The following SETD2 variants were observed in gnomAD, a reference collection of about 807,000 sequenced individuals.
SETD2 encodes histone-lysine N-methyltransferase SETD2.
In SETD2, 31 loss-of-function variants were observed where a neutral mutation model predicts 242.1. The ratio of observed to expected loss-of-function variants is 0.13; its 90% CI spans 0.10 to 0.17. SETD2 has a LOEUF of 0.17. Among genes scored for constraint, SETD2 ranks in the 10% least tolerant of loss-of-function variants. SETD2 has a pLI of 1.00. For missense variants in SETD2, 2,481 were observed against 3,046.3 expected (o/e 0.81, Z 4.37); for synonymous variants, 1,006 against 1,066.5 (o/e 0.94, Z 1.11).
chr3:47,117,349 A>G (rs551453337), intron 3 of SETD2, among the ~76,000 whole-genome samples: 2 of 152,074 alleles, frequency 1.3e-5, no homozygotes, highest in East Asian at 3.9e-4. Context: ...GATGAGTTCA[A>G]GACTACTCAT....
intron 17 of SETD2, among the ~76,000 whole-genome samples, chr3:47,041,071 T>G (rs2039256350): frequency 6.6e-6 from 1 of 152,162 alleles, no homozygotes; most frequent in African/African-American, 2.4e-5. Flanking sequence ...TATAAAATAG[T>G]GAAGACCTAT....
chr3:47,024,288 A>T (rs6442053), intron 18 of SETD2, among the ~76,000 whole-genome samples: 5 of 151,900 alleles, frequency 3.3e-5, no homozygotes, highest in Admixed American at 6.5e-5. Context: ...CTGGCTAACG[A>T]GGTGAAACAC....
intron 7 of SETD2, among the ~76,000 whole-genome samples, chr3:47,102,878 A>G (rs116296651): frequency 4.0e-4 from 61 of 152,324 alleles, no homozygotes; most frequent in African/African-American, 1.5e-3. Flanking sequence ...GACCTAATAA[A>G]GAATCCAAAT....
Position 47,123,066 on chromosome 3 carries a change from T to C in SETD2, c.1570A>G (p.Asn524Asp). ...GAACAACATCTTTTAATTGCTTCAT[T>C]TTCTGAAGTCCTTTTAGATTCTCTT... ...LERESKRTSE[N>D]EAIKRCCSPP... Residue 524 changes from asparagine (N) to aspartate (D), a missense_variant, in exon 3 of 21, where the codon AAT becomes GAT. This residue lies in a region of SETD2 where 1,300 missense variants were observed against 1,259.2 expected (regional missense o/e 1.03). Coordinates refer to ENST00000409792, the MANE Select transcript of SETD2 (RefSeq NM_014159.7). 9 of 1,613,854 alleles carry C rather than the reference T, an allele frequency of 5.6e-6. No individual in the cohort carries two copies. The highest frequency in any genetic ancestry group is 7.6e-6 in the Non-Finnish European group (9 of 1,179,916).
At position 47,084,020 on chromosome 3, in the gene SETD2, C is replaced by G. The variant is rs1436601562; in HGVS notation, c.5760G>C (p.Glu1920Asp). The G allele has an allele frequency of 6.2e-7, 1 of 1,614,140 alleles. No homozygotes were observed. Among genetic ancestry groups the G allele is most frequent in the South Asian group, 1.1e-5 (1 of 91,078 alleles). The change falls in exon 12 of 21, where the codon GAG becomes GAC. Residue 1920 changes from glutamate (E) to aspartate (D), a missense_variant. Coordinates refer to ENST00000409792, the MANE Select transcript of SETD2 (RefSeq NM_014159.7). ...GTAGCTGTTGTGACTGCAATTCTTC[C>G]TCTTCCTCTACAGGGACATTTTCTA... ...DQLENVPVEE[E>D]EELQSQQLLP...
At chr3:47,030,333 C>A (rs1424014690) in intron 18 of SETD2, among the ~76,000 whole-genome samples, 1 of 151,936 alleles carries the variant, frequency 6.6e-6, no homozygotes, top group Non-Finnish European at 1.5e-5. Context: ...TTCAATACAG[C>A]AGAAGGTAAA....
intron 12 of SETD2, among the ~76,000 whole-genome samples, chr3:47,082,131 A>G (rs2041341379): frequency 6.6e-6 from 1 of 152,186 alleles, no homozygotes; most frequent in Non-Finnish European, 1.5e-5. Flanking sequence ...TATCCTAGAG[A>G]GTAATTCATA....
intron 15 of SETD2, among the ~76,000 whole-genome samples, chr3:47,054,139 C>A (rs940797651): frequency 1.5e-4 from 23 of 152,108 alleles, no homozygotes; most frequent in African/African-American, 5.1e-4. Flanking sequence ...ATAGTTGAAC[C>A]ACCACAGCCC....
intron 18 of SETD2, among the ~76,000 whole-genome samples, chr3:47,026,385 A>T (rs1392071157): frequency 6.6e-6 from 1 of 152,228 alleles, no homozygotes; most frequent in Non-Finnish European, 1.5e-5. Context: ...CCATTGTGGA[A>T]GACAGTGCGG....
Position 47,056,887 on chromosome 3 carries a change from T to C in SETD2, c.6897A>G (p.Gly2299=), listed in dbSNP as rs1448619183. The change falls in exon 15 of 21, where the codon GGA becomes GGG. Residue 2299 remains glycine (G), a synonymous_variant. Coordinates refer to ENST00000409792, the MANE Select transcript of SETD2 (RefSeq NM_014159.7). ...CACCATAGACTGTTGGACATGTCTG[T>C]CCTTGATAATATATGGTTGCTTGAG... ...AQSQATIYYQ[G]QTCPTVYGVT... is the part of the protein sequence containing the mutation. The C allele has an allele frequency of 6.2e-7, 1 of 1,614,238 alleles. No homozygotes were observed. Among genetic ancestry groups the C allele is most frequent in the Admixed American group, 1.7e-5 (1 of 60,032 alleles).
At chr3:47,042,792 T>C in intron 16 of SETD2, 92 bp from the exon 17 acceptor site, 1 of 1,085,716 alleles carries the variant, frequency 9.2e-7, no homozygotes, top group South Asian at 1.5e-5. Context: ...TGTAAAAATG[T>C]ACATCTACCT....
chr3:47,107,395 T>C (rs1353251935), intron 5 of SETD2, among the ~76,000 whole-genome samples: 2 of 151,918 alleles, frequency 1.3e-5, no homozygotes, highest in Non-Finnish European at 2.9e-5. Context: ...TAAAAACAAA[T>C]GAGAAAAGAA....
At chr3:47,052,974 C>T (rs1439771834) in intron 15 of SETD2, among the ~76,000 whole-genome samples, 1 of 151,944 alleles carries the variant, frequency 6.6e-6, no homozygotes, top group African/African-American at 2.4e-5. Context: ...ACCACAACCT[C>T]CACCTCCTGG....
intron 1 of SETD2, among the ~76,000 whole-genome samples, chr3:47,152,752 A>G (rs975248766): frequency 6.6e-6 from 1 of 152,224 alleles, no homozygotes; most frequent in African/African-American, 2.4e-5. Context: ...AGGAAGAACT[A>G]CAATTGGAAA....
chr3:47,020,386 A>G (rs2038165373), intron 18 of SETD2, among the ~76,000 whole-genome samples: 1 of 152,168 alleles, frequency 6.6e-6, no homozygotes, highest in Admixed American at 6.5e-5. Flanking sequence ...GTATCACGAT[A>G]TTGACGGGGA....
Position 47,163,925 on chromosome 3 carries a change from C to T in SETD2, c.-1G>A. 1 of 1,304,982 alleles carries T rather than the reference C, an allele frequency of 7.7e-7. No individual in the cohort carries two copies. The highest frequency in any genetic ancestry group is 9.8e-7 in the Non-Finnish European group (1 of 1,021,978). The allele number at this position is 1,304,982 out of a possible 1,614,324, so 80.8% of individuals were successfully genotyped here. ...GCGGCTGCGGCTGCAGCTGCTTCAT[C>T]GGGAGCGGCTGGAGACGGCGACGCG... On this transcript the variant is annotated 5_prime_UTR_variant, in exon 1 of 21. Transcript: ENST00000409792.
At chr3:47,043,090 A>T (rs1010104067) in intron 16 of SETD2, among the ~76,000 whole-genome samples, 1 of 151,958 alleles carries the variant, frequency 6.6e-6, no homozygotes, top group Non-Finnish European at 1.5e-5. Context: ...ATATGACAGA[A>T]TGTTAACATT....
intron 11 of SETD2, among the ~76,000 whole-genome samples, chr3:47,085,986 A>C (rs2041538816): frequency 1.3e-5 from 2 of 152,240 alleles, no homozygotes. Context: ...TTAAAAAGAT[A>C]CTATAGGAAA....
rs1263068291 is a variant in SETD2 at position 47,127,535 on chromosome 3, C to T, written c.72-872G>A. 3 of 452,332 alleles carry T rather than the reference C, an allele frequency of 6.6e-6. No individual in the cohort carries two copies. In the Admixed American group the frequency reaches 7.1e-5, roughly 11 times the overall value. 28.0% of individuals were successfully genotyped at this position (452,332 alleles called of 1,614,324 possible). On this transcript the variant is annotated intron_variant, in intron 1 of 20. Transcript: ENST00000409792. Reference sequence around the variant, plus strand: ...TTGAGTTCAGGAGTTCGAGACCACCCTGGGTAACATAGCAAAACCTCATCT... The same window carrying T: ...TTGAGTTCAGGAGTTCGAGACCACCTTGGGTAACATAGCAAAACCTCATCT...
Sources: allele counts gnomAD v4.1 joint callset (sites outside exome capture counted in the v4.1 genomes callset), GRCh38; gene constraint gnomAD v4.1.1; regional missense constraint gnomAD v4.1.1; transcripts MANE v1.5; gene names NCBI Gene and HGNC (gene_info 2026-07-23, HGNC 2026-07-21).